The following KHDRBS2 variants were observed in gnomAD, a reference collection of about 807,000 sequenced individuals.
KHDRBS2 encodes the protein KH domain-containing, RNA-binding, signal transduction-associated protein 2.
KHDRBS2 carries 26 observed loss-of-function variants against 44.3 expected under a neutral mutation model. The ratio of observed to expected loss-of-function variants is 0.59; its 90% CI spans 0.43 to 0.81. KHDRBS2 has a LOEUF of 0.81. Ranked by LOEUF, KHDRBS2 falls within the 40% of genes least tolerant of loss-of-function variation. The probability of loss-of-function intolerance (pLI) is 0.00; values close to 1 mark genes in which losing one functional copy is unlikely to be tolerated. For synonymous variants in KHDRBS2, 194 were observed against 151.1 expected, an observed-to-expected ratio of 1.28 and a Z score of -2.08; for missense variants, 476 against 433.1, an observed-to-expected ratio of 1.10 and a Z score of -0.88.
At chr6:61,542,742 C>A in the KHDRBS2 span, among the ~76,000 whole-genome samples, 1 of 151,756 alleles carries the variant, frequency 6.6e-6, no homozygotes, top group Non-Finnish European at 1.5e-5. Context: ...CCAAGGAAAA[C>A]CCTGATACCA....
At chr6:61,947,328 T>A (rs1260821460) in intron 4 of KHDRBS2, among the ~76,000 whole-genome samples, 2 of 152,138 alleles carry the variant, frequency 1.3e-5, no homozygotes, top group African/African-American at 4.8e-5. Context: ...ATTTCACTGT[T>A]AAAGATGCTG....
At chr6:61,547,687 C>T in the KHDRBS2 span, among the ~76,000 whole-genome samples, 1 of 152,078 alleles carries the variant, frequency 6.6e-6, no homozygotes, top group Non-Finnish European at 1.5e-5. Flanking sequence ...ACCAATTAAG[C>T]CAGTGTCTCT....
chr6:61,775,817 T>C (rs1006372554), intron 6 of KHDRBS2, among the ~76,000 whole-genome samples: 1 of 151,858 alleles, frequency 6.6e-6, no homozygotes, highest in Non-Finnish European at 1.5e-5. Flanking sequence ...GGAACCAAAA[T>C]GAGCCCGTGG....
intron 2 of KHDRBS2, among the ~76,000 whole-genome samples, chr6:62,127,108 G>A (rs999504274): frequency 1.5e-4 from 23 of 152,132 alleles, no homozygotes; most frequent in Non-Finnish European, 2.2e-4. Context: ...TTAATTTGGC[G>A]TGGTTTAAAC....
chr6:61,873,535 GAAC>G (rs1798964862), intron 6 of KHDRBS2, among the ~76,000 whole-genome samples: 1 of 150,860 alleles, frequency 6.6e-6, no homozygotes, highest in African/African-American at 2.4e-5. Flanking sequence ...CTGCCTAGAA[GAAC>G]AATTTATCTC....
At chr6:61,960,225 A>G (rs1305596391) in intron 4 of KHDRBS2, among the ~76,000 whole-genome samples, 3 of 151,972 alleles carry the variant, frequency 2.0e-5, no homozygotes, top group African/African-American at 7.3e-5. Context: ...ACCTGGGCTT[A>G]TAGTACCTAT....
At chr6:61,873,199 CA>C (rs1348606427) in intron 6 of KHDRBS2, among the ~76,000 whole-genome samples, 1 of 151,798 alleles carries the variant, frequency 6.6e-6, no homozygotes. Flanking sequence ...CTCTATTCAC[CA>C]AACATCACAA....
chr6:62,055,479 G>A (rs1157440867), intron 2 of KHDRBS2, among the ~76,000 whole-genome samples: 2 of 152,020 alleles, frequency 1.3e-5, no homozygotes, highest in African/African-American at 2.4e-5. Context: ...ATACGCACCT[G>A]TGGGAGTGTA....
chr6:61,895,221 T>C (rs1369926614), intron 5 of KHDRBS2, among the ~76,000 whole-genome samples: 4 of 151,940 alleles, frequency 2.6e-5, no homozygotes, highest in Non-Finnish European at 1.5e-5. Context: ...GTCTGATATA[T>C]GACTCACTGG....
intron 2 of KHDRBS2, among the ~76,000 whole-genome samples, chr6:62,147,141 A>G (rs1302620744): frequency 6.6e-6 from 1 of 151,738 alleles, no homozygotes; most frequent in Non-Finnish European, 1.5e-5. Context: ...TCTATTAGTC[A>G]TTCTTATGTA....
At chr6:62,053,221 T>C (rs533800532) in intron 2 of KHDRBS2, among the ~76,000 whole-genome samples, 1 of 152,090 alleles carries the variant, frequency 6.6e-6, no homozygotes. Flanking sequence ...TCTAGACTTA[T>C]AGGAAATGTA....
At chr6:62,184,527 T>C (rs6903117) in intron 1 of KHDRBS2, among the ~76,000 whole-genome samples, 92,281 of 151,416 alleles carry the variant, frequency 0.61, 28,290 homozygotes, top group Non-Finnish European at 0.62. Context: ...AATGTAAAAA[T>C]TGAGGAGTCC....
At chr6:61,751,942 T>C (rs906152225) in intron 6 of KHDRBS2, among the ~76,000 whole-genome samples, 1 of 131,004 alleles carries the variant, frequency 7.6e-6, no homozygotes, top group Non-Finnish European at 1.8e-5. Flanking sequence ...TACACACTTC[T>C]CTGTGTGTGT....
chr6:61,926,269 G>T (rs1808957128), intron 4 of KHDRBS2, among the ~76,000 whole-genome samples: 1 of 152,102 alleles, frequency 6.6e-6, no homozygotes, highest in African/African-American at 2.4e-5. Context: ...TAGATGAGTG[G>T]TGTATAGGAC....
intron 7 of KHDRBS2, among the ~76,000 whole-genome samples, chr6:61,708,947 T>A (rs1346676142): frequency 6.6e-6 from 1 of 151,648 alleles, no homozygotes; most frequent in Non-Finnish European, 1.5e-5. Flanking sequence ...GTATTTGAAA[T>A]TAAAATTGAG....
chr6:61,572,902 C>G, the KHDRBS2 span, among the ~76,000 whole-genome samples: 5 of 152,132 alleles, frequency 3.3e-5, no homozygotes, highest in African/African-American at 1.2e-4. Flanking sequence ...CCCTTGAAAA[C>G]TGGAACAAGA....
At chr6:61,734,281 G>T (rs1774968768) in intron 6 of KHDRBS2, among the ~76,000 whole-genome samples, 1 of 151,966 alleles carries the variant, frequency 6.6e-6, no homozygotes, top group South Asian at 2.1e-4. Flanking sequence ...AGTTGCTATT[G>T]AGTTAAATTT....
chr6:61,791,042 T>C (rs1784558579), intron 6 of KHDRBS2, among the ~76,000 whole-genome samples: 1 of 151,484 alleles, frequency 6.6e-6, no homozygotes, highest in African/African-American at 2.4e-5. Flanking sequence ...TTTTCATATT[T>C]ATTGGAATGA....
At chr6:61,619,234 T>C in the KHDRBS2 span, among the ~76,000 whole-genome samples, 2 of 149,598 alleles carry the variant, frequency 1.3e-5, no homozygotes, top group Admixed American at 6.6e-5. Context: ...GTACATCGTG[T>C]AGTTTTTTAT....
Sources: allele counts gnomAD v4.1 joint callset (sites outside exome capture counted in the v4.1 genomes callset), GRCh38; gene constraint gnomAD v4.1.1; transcripts MANE v1.5; gene names NCBI Gene and HGNC (gene_info 2026-07-23, HGNC 2026-07-21).